The following USH2A variants were observed in gnomAD, a reference collection of about 807,000 sequenced individuals.
USH2A encodes Usher syndrome 2A (autosomal recessive, mild).
In USH2A, 443 loss-of-function variants were observed where a neutral mutation model predicts 538.9. The ratio of observed to expected loss-of-function variants is 0.82; its 90% confidence interval spans 0.76 to 0.89. The LOEUF (loss-of-function observed/expected upper bound fraction) is 0.89, where lower values mean the gene tolerates loss of function less well. Ranked by LOEUF, USH2A falls within the 40% of genes least tolerant of loss-of-function variation. The pLI is 0.00. For synonymous variants in USH2A, 2,413 were observed against 2,273.5 expected (o/e 1.06, Z -1.75); for missense variants, 6,633 against 6,324.8 (o/e 1.05, Z -1.65).
intron 4 of USH2A, among the ~76,000 whole-genome samples, chr1:216,336,161 A>T (rs1036803005): frequency 6.6e-6 from 1 of 151,502 alleles, no homozygotes; most frequent in African/African-American, 2.4e-5. Context: ...ATAAAGGACA[A>T]AAACGTCATG....
chr1:215,813,884 G>C lies in USH2A; in HGVS notation c.9591C>G (p.Leu3197=), dbSNP rs144371939. 15 of 1,613,614 alleles carry C rather than the reference G, an allele frequency of 9.3e-6. No individual in the cohort carries two copies. The highest frequency in any genetic ancestry group is 1.3e-5 in the Non-Finnish European group (15 of 1,179,782). The change falls in exon 49 of 72, where the codon CTC becomes CTG. Residue 3197 remains leucine (L), a synonymous_variant. Transcript: ENST00000307340. ...SEAKVCCNGV[L]YNPKPGHRCC... is the part of the protein sequence containing the mutation. ...AGCGATGTCCAGGCTTGGGGTTATA[G>C]AGCACTCCGTTACAACAAACCTGAA...
At chr1:215,816,256 G>T (rs1054662863) in intron 48 of USH2A, among the ~76,000 whole-genome samples, 1 of 151,994 alleles carries the variant, frequency 6.6e-6, no homozygotes, top group Admixed American at 6.6e-5. Flanking sequence ...TAGAGTCTAA[G>T]TATCAAAAAA....
intron 3 of USH2A, among the ~76,000 whole-genome samples, chr1:216,405,268 A>G (rs2039375223): frequency 6.6e-6 from 1 of 152,230 alleles, no homozygotes; most frequent in Non-Finnish European, 1.5e-5. Context: ...AACACAATAC[A>G]TAAGAGGAAA....
At position 215,839,185 on chromosome 1, in the gene USH2A, T is replaced by A. The variant is rs551901916; in HGVS notation, c.9259-1082A>T. On this transcript the variant is annotated intron_variant, in intron 46 of 71. Coordinates refer to ENST00000307340, the MANE Select transcript of USH2A (RefSeq NM_206933.4). ...ATCAAGGGCCTACATTCTGAGCATG[T>A]CCAATTAAATCTGAAATAAAGGCAG... Among the ~76,000 whole-genome samples, 93 of 152,276 alleles carry A rather than the reference T, an allele frequency of 6.1e-4. 1 individual carries two copies. The highest frequency in any genetic ancestry group is 1.9e-3 in the African/African-American group (79 of 41,572).
chr1:215,639,509 G>T (rs554598238), intron 68 of USH2A, among the ~76,000 whole-genome samples: 10 of 152,264 alleles, frequency 6.6e-5, no homozygotes, highest in Admixed American at 5.9e-4. Context: ...CGAGTAAAGG[G>T]TAATACACAA....
At chr1:215,740,099 G>T (rs1379383059) in intron 60 of USH2A, among the ~76,000 whole-genome samples, 1 of 152,138 alleles carries the variant, frequency 6.6e-6, no homozygotes, top group Non-Finnish European at 1.5e-5. Context: ...TCAGTTGACA[G>T]GTTATTTGCC....
chr1:215,791,297 T>C (rs1661974797), intron 50 of USH2A, among the ~76,000 whole-genome samples: 1 of 152,254 alleles, frequency 6.6e-6, no homozygotes, highest in South Asian at 2.1e-4. Context: ...GAATTTTGTT[T>C]GTTTATTATT....
chr1:215,819,667 C>T (rs551451720), intron 47 of USH2A, among the ~76,000 whole-genome samples: 1 of 151,928 alleles, frequency 6.6e-6, no homozygotes, highest in African/African-American at 2.4e-5. Context: ...GACTTATCCA[C>T]AAAAGCTCGT....
chr1:216,331,092 T>TA (rs943439389), intron 4 of USH2A, among the ~76,000 whole-genome samples: 1 of 151,978 alleles, frequency 6.6e-6, no homozygotes, highest in Admixed American at 6.6e-5. Context: ...AAATTCTTCA[T>TA]AAAAAAGAGT....
At chr1:216,257,753 C>G (rs1203543082) in intron 11 of USH2A, among the ~76,000 whole-genome samples, 3 of 151,938 alleles carry the variant, frequency 2.0e-5, no homozygotes, top group Admixed American at 6.6e-5. Context: ...TCTTTCAACT[C>G]TGTTTCATTT....
chr1:215,879,026 T>G lies in USH2A; in HGVS notation c.8296A>C (p.Ile2766Leu). The change falls in exon 42 of 72, where the codon ATC becomes CTC. Residue 2766 changes from isoleucine (I) to leucine (L), a missense_variant. Physicochemically the swap from Ile to Leu is conservative, Grantham distance 5 (BLOSUM62 2). Coordinates refer to ENST00000307340, the MANE Select transcript of USH2A (RefSeq NM_206933.4). Reference protein sequence around the residue: ...SYEIHMPDPHITLTNVTSAVL... With the variant: ...SYEIHMPDPHLTLTNVTSAVL... Reference sequence around the variant, plus strand: ...GCGGAAGTCACATTGGTTAAAGTGATGTGAGGGTCAGGCATGTGAATCTCA... The same window carrying G: ...GCGGAAGTCACATTGGTTAAAGTGAGGTGAGGGTCAGGCATGTGAATCTCA... 1 of 1,614,076 alleles carries G rather than the reference T, an allele frequency of 6.2e-7. No homozygotes were observed. The highest frequency in any genetic ancestry group is 1.1e-5 in the South Asian group (1 of 91,090).
chr1:216,256,590 A>T (rs2036264773), intron 11 of USH2A, among the ~76,000 whole-genome samples: 1 of 151,978 alleles, frequency 6.6e-6, no homozygotes, highest in African/African-American at 2.4e-5. Flanking sequence ...GCCAGCCATG[A>T]GGCCACAAGA....
intron 67 of USH2A, among the ~76,000 whole-genome samples, chr1:215,642,538 C>T (rs190358580): frequency 9.4e-4 from 143 of 152,214 alleles, no homozygotes; most frequent in African/African-American, 3.0e-3. Flanking sequence ...ATTGTTAAAT[C>T]CGGCCACTAC....
Position 215,779,990 on chromosome 1 carries a change from T to A in USH2A, c.10792A>T (p.Ile3598Phe). 6.2e-7 allele frequency: 1 copy of A among 1,614,150 alleles called. No homozygotes were observed. Among genetic ancestry groups the A allele is most frequent in the Non-Finnish European group, 8.5e-7 (1 of 1,180,042 alleles). ...GVPESILPPSITALSAVALHL... is the reference protein window; with the variant it reads ...GVPESILPPSFTALSAVALHL... ...AGAGCCACTGCACTTAGGGCTGTGA[T>A]GCTTGGTGGCAGGATGCTCTCCGGA... Residue 3598 changes from isoleucine (I) to phenylalanine (F), a missense_variant, in exon 55 of 72, where the codon ATC becomes TTC. Coordinates refer to ENST00000307340, the MANE Select transcript of USH2A (RefSeq NM_206933.4).
At chr1:216,059,902 A>G (rs76477675) in intron 30 of USH2A, among the ~76,000 whole-genome samples, 3,884 of 152,260 alleles carry the variant, frequency 0.026, 156 homozygotes, top group African/African-American at 0.09. Flanking sequence ...TCCCAGACCT[A>G]GTGAATCAGA....
intron 38 of USH2A, 33 bp from the exon 39 acceptor site, chr1:215,900,938 A>C: frequency 6.2e-7 from 1 of 1,612,440 alleles, no homozygotes; most frequent in Non-Finnish European, 8.5e-7. Context: ...TAGAGCAGAG[A>C]AAACTGTGGA....
intron 60 of USH2A, among the ~76,000 whole-genome samples, chr1:215,737,450 A>G (rs1182259034): frequency 1.3e-5 from 2 of 151,962 alleles, no homozygotes; most frequent in Non-Finnish European, 2.9e-5. Context: ...CATCAACTTG[A>G]TGAAGTGTTC....
chr1:215,834,276 A>C (rs1026234503), intron 47 of USH2A, among the ~76,000 whole-genome samples: 3 of 152,148 alleles, frequency 2.0e-5, no homozygotes, highest in Non-Finnish European at 4.4e-5. Flanking sequence ...GTCACGGAGA[A>C]CTGAAAATTA....
chr1:215,841,346 C>A (rs866206786), intron 46 of USH2A, among the ~76,000 whole-genome samples: 3 of 152,032 alleles, frequency 2.0e-5, no homozygotes, highest in African/African-American at 7.2e-5. Context: ...CAAAAACAGA[C>A]ACATGGACCA....
Sources: gnomAD v4.1 joint callset for allele counts (sites outside exome capture counted in the v4.1 genomes callset) on GRCh38, gnomAD v4.1.1 for gene constraint, MANE v1.5 for transcripts, NCBI Gene and HGNC (gene_info 2026-07-23, HGNC 2026-07-21) for gene names.